Variants in TTN observed in about 807,000 individuals in gnomAD.
The protein encoded by TTN is titin, also known as connectin.
Under a neutral mutation model 3,223.0 loss-of-function variants are expected in TTN, and 1,525 were observed. That is an observed-to-expected ratio of 0.47 (90% CI 0.45 to 0.49). The LOEUF is 0.49. Among genes scored for constraint, TTN ranks in the 20% least tolerant of loss-of-function variants. The pLI is 0.00. For synonymous variants in TTN, 14,094 were observed against 15,161.0 expected, an observed-to-expected ratio of 0.93 and a Z score of 5.17; for missense variants, 40,786 against 43,424.0, an observed-to-expected ratio of 0.94 and a Z score of 5.40.
rs2092339081 is a variant in TTN at position 178,777,336 on chromosome 2, G to T, written c.4646-19C>A. On this transcript the variant is annotated intron_variant, in intron 26 of 362. Coordinates refer to ENST00000589042, the MANE Select transcript of TTN (RefSeq NM_001267550.2). Reference sequence around the variant, plus strand: ...TCCACAGCTGAAAGAGAAAGGTCATGATTTAGAGGGAGTAAGGCTGAAATA... The same window carrying T: ...TCCACAGCTGAAAGAGAAAGGTCATTATTTAGAGGGAGTAAGGCTGAAATA... 6.2e-7 allele frequency: 1 copy of T among 1,613,554 alleles called. No homozygotes were observed. Among genetic ancestry groups the T allele is most frequent in the Non-Finnish European group, 8.5e-7 (1 of 1,179,902 alleles).
rs1484448659 is a variant in TTN, at chr2:178,558,607, A to T, written c.86852T>A (p.Val28951Glu). The T allele has an allele frequency of 6.2e-7, 1 of 1,612,074 alleles. No homozygotes were observed. Among genetic ancestry groups the T allele is most frequent in the African/African-American group, 1.3e-5 (1 of 74,890 alleles). Residue 28951 changes from valine (V) to glutamate (E), a missense_variant, in exon 327 of 363, where the codon GTA becomes GAA. Physicochemically the swap from Val to Glu is moderately radical, Grantham distance 121. Transcript: ENST00000589042. ...AACACTGTCTTTGGATATACTTGTTACTCCAAGTTTTTCAGGTGGGCTTGG... is the reference window on the plus strand; with the variant it reads ...AACACTGTCTTTGGATATACTTGTTTCTCCAAGTTTTTCAGGTGGGCTTGG... ...EKPSPPEKLG[V>E]TSISKDSVSL...
chr2:178,739,040 T>TAAATTA, intron 48 of TTN, 101 bp downstream of exon 48: 2 of 1,341,862 alleles, frequency 1.5e-6, no homozygotes, highest in Non-Finnish European at 2.0e-6. Context: ...ATAAATTACA[T>TAAATTA]TCTGGAAGTG....
At position 178,681,091 on chromosome 2, in the gene TTN, G is replaced by A. The variant is rs565328082; in HGVS notation, c.33328C>T (p.Pro11110Ser). 126 of 1,601,394 alleles carry A rather than the reference G, an allele frequency of 7.9e-5. No individual in the cohort carries two copies. The highest frequency in any genetic ancestry group is 1.0e-4 in the Non-Finnish European group (119 of 1,176,090). ...GAAATCATTATACCTTTAGCAGCGG[G>A]TTCAGTCACCTGCTCTTTTTCACGT... Reference protein sequence around the residue: ...TKREKEQVTEPAAKVPMKPKR... With the variant: ...TKREKEQVTESAAKVPMKPKR... Residue 11110 changes from proline to serine, a missense_variant, in exon 138 of 363, where the codon CCC (proline) becomes TCC (serine). Physicochemically the swap from Pro to Ser is moderately conservative, Grantham distance 74. Transcript: ENST00000589042.
Position 178,546,365 on chromosome 2 carries a change from G to A in TTN, c.94966C>T (p.Leu31656=). ...AAAGAGACTTTTTCACAGAGATCTA[G>A]CTCCTTGTCTCCTTTGGTCCAGATA... ...KIIWTKGDKE[L]DLCEKVSLQY... is the part of the protein sequence containing the mutation. Residue 31656 remains leucine, a synonymous_variant, in exon 342 of 363, where the codon CTA becomes TTA. Coordinates refer to ENST00000589042, the MANE Select transcript of TTN (RefSeq NM_001267550.2). 1 of 1,613,738 alleles carries A rather than the reference G, an allele frequency of 6.2e-7. No individual in the cohort carries two copies. Among genetic ancestry groups the A allele is most frequent in the African/African-American group, 1.3e-5 (1 of 75,014 alleles).
intron 313 of TTN, 56 bp from the exon 314 acceptor site, chr2:178,582,648 G>C: frequency 6.8e-7 from 1 of 1,468,708 alleles, no homozygotes; most frequent in Non-Finnish European, 9.1e-7. Context: ...GTATAGAGTA[G>C]AGGTCTGGAG....
Position 178,684,692 on chromosome 2 carries a change from T to G in TTN, c.32612A>C (p.Lys10871Thr). 1 of 1,612,286 alleles carries G rather than the reference T, an allele frequency of 6.2e-7. No individual in the cohort carries two copies. Among genetic ancestry groups the G allele is most frequent in the Non-Finnish European group, 8.5e-7 (1 of 1,179,446 alleles). Residue 10871 changes from lysine (K) to threonine (T), a missense_variant, in exon 131 of 363, where the codon AAG becomes ACG. Transcript: ENST00000589042. ...PEKKVPPKVI[K>T]MEEPLPAKVT... Reference sequence around the variant, plus strand: ...TTTGGCTGGGAGAGGTTCTTCCATCTTAATGACTTTTGGAGGAACCTTTTT... The same window carrying G: ...TTTGGCTGGGAGAGGTTCTTCCATCGTAATGACTTTTGGAGGAACCTTTTT...
At chr2:178,745,965 T>C (rs367906206) in intron 47 of TTN, 6 of 1,610,226 alleles carry the variant, frequency 3.7e-6, no homozygotes, top group Non-Finnish European at 5.1e-6. Flanking sequence ...TTCTTTGCTA[T>C]CACAGCAAAT....
At chr2:178,766,911 T>A (rs1231736925) in intron 40 of TTN, among the ~76,000 whole-genome samples, 1 of 152,218 alleles carries the variant, frequency 6.6e-6, no homozygotes. Flanking sequence ...TAATAAGGGA[T>A]ATAATGATGC....
At position 178,605,621 on chromosome 2, in the gene TTN, T is replaced by G; in HGVS notation, c.53674A>C (p.Ser17892Arg). ...TCAATGATATATCCTTGGATGGGAC[T>G]GCCACCATTACTGCGGGGCTCTTTC... The part of the protein sequence containing the change: ...DWKEPRSNGG[S>R]PIQGYIIEKR... The change falls in exon 279 of 363, where the codon AGT becomes CGT. Residue 17892 changes from serine (S) to arginine (R), a missense_variant. Physicochemically the swap from Ser to Arg is moderately radical, Grantham distance 110. Transcript: ENST00000589042. 1.9e-6 allele frequency: 3 copies of G among 1,612,028 alleles called. No homozygotes were observed. The highest frequency in any genetic ancestry group is 1.1e-5 in the South Asian group (1 of 90,916).
At chr2:178,691,568 G>A (rs929979057) in intron 121 of TTN, among the ~76,000 whole-genome samples, 4 of 152,158 alleles carry the variant, frequency 2.6e-5, no homozygotes, top group African/African-American at 9.7e-5. Flanking sequence ...TACTATGTAC[G>A]TCTTTATGTA....
chr2:178,609,691 AT>A lies in TTN; in HGVS notation c.51731del (p.Asp17244ValfsTer10). On this transcript the variant is annotated frameshift_variant, in exon 272 of 363. Transcript: ENST00000589042. LOFTEE classifies it high-confidence loss of function. ...SRATPPTKAV[D>X]PIDAPKVILR... ...CCATGAAACAAAACTTACCAATGGG[AT>A]CTACAGCTTTGGTTGGAGGAGTAGC... 2 of 1,588,738 alleles carry A rather than the reference AT, an allele frequency of 1.3e-6. No homozygotes were observed. The highest frequency in any genetic ancestry group is 1.7e-6 in the Non-Finnish European group (2 of 1,166,218).
At chr2:178,750,619 G>A (rs778168887) in intron 47 of TTN, 3 of 1,612,602 alleles carry the variant, frequency 1.9e-6, no homozygotes, top group Non-Finnish European at 2.5e-6. Flanking sequence ...AAAATCTCAT[G>A]TTTTCTTCCT....
chr2:178,528,918 T>C lies in TTN; in HGVS notation c.106833A>G (p.Ala35611=). The change falls in exon 360 of 363, where the codon GCA becomes GCG. Residue 35611 remains alanine, a synonymous_variant. Coordinates refer to ENST00000589042, the MANE Select transcript of TTN (RefSeq NM_001267550.2). ...EEVRTHAEIK[A]FSTQMSINEG... Reference sequence around the variant, plus strand: ...CGTTTATGCTCATCTGAGTAGAAAATGCTTTAATCTCAGCATGAGTTCTGA... The same window carrying C: ...CGTTTATGCTCATCTGAGTAGAAAACGCTTTAATCTCAGCATGAGTTCTGA... The C allele has an allele frequency of 6.2e-7, 1 of 1,614,038 alleles. No homozygotes were observed. The highest frequency in any genetic ancestry group is 8.5e-7 in the Non-Finnish European group (1 of 1,179,882).
chr2:178,641,466 GT>G, intron 219 of TTN, 151 bp from the exon 220 acceptor site: 1 of 468,178 alleles, frequency 2.1e-6, no homozygotes, highest in Non-Finnish European at 3.7e-6. Context: ...CACCGAAAGT[GT>G]TTTTTGTTTT....
rs16866477 is a variant in TTN at position 178,731,454 on chromosome 2, G to C, written c.17312C>G (p.Thr5771Ser). 1.1e-3 allele frequency: 1,816 copies of C among 1,613,740 alleles called. 18 individuals are homozygous for C. In the African/African-American group the frequency reaches 0.022, roughly 19 times the overall value. ...GGTCATTCTTATATTATCGTCTTCA[G>C]TGATTTCATCGCTGTCTTTTAGCCA... ...VTWLKDSDEI[T>S]EDDNIRMTFE... The change falls in exon 59 of 363, where the codon ACT becomes AGT. Residue 5771 changes from threonine to serine, a missense_variant. Physicochemically the swap from Thr to Ser is moderately conservative, Grantham distance 58. Coordinates refer to ENST00000589042, the MANE Select transcript of TTN (RefSeq NM_001267550.2).
rs2081291561 is a variant in TTN at position 178,735,527 on chromosome 2, G to C, written c.14919C>G (p.Ala4973=). 6.3e-7 allele frequency: 1 copy of C among 1,588,464 alleles called. No individual in the cohort carries two copies. The highest frequency in any genetic ancestry group is 1.4e-5 in the African/African-American group (1 of 73,510). The change falls in exon 50 of 363, where the codon GCC becomes GCG. Residue 4973 remains alanine (A), a synonymous_variant. Transcript: ENST00000589042. ...SNEAGSSSCS[A]TVTVREPPSF... Reference sequence around the variant, plus strand: ...GTTTCTTACCTCTGACAGTGACTGTGGCTGAGCAGGAGCTGCTTCCAGCCT... The same window carrying C: ...GTTTCTTACCTCTGACAGTGACTGTCGCTGAGCAGGAGCTGCTTCCAGCCT...
Position 178,594,048 on chromosome 2 carries a change from C to G in TTN, c.58345G>C (p.Ala19449Pro). The G allele has an allele frequency of 6.2e-7, 1 of 1,613,514 alleles. No homozygotes were observed. Among genetic ancestry groups the G allele is most frequent in the Non-Finnish European group, 8.5e-7 (1 of 1,179,648 alleles). The part of the protein sequence containing the change: ...PATLALEKIK[A>P]KRSDSGKYCV... ...TATTTGCCGGAATCTGAACGTTTGG[C>G]CTTGATCTTCTCTAAAGCAAGTGTT... Residue 19449 changes from alanine (A) to proline (P), a missense_variant, in exon 297 of 363, where the codon GCC becomes CCC. By Grantham distance (27) the Ala-to-Pro change is conservative. Coordinates refer to ENST00000589042, the MANE Select transcript of TTN (RefSeq NM_001267550.2).
In TTN at chr2:178,550,017, A is replaced by C. The variant is rs2154148788; in HGVS notation, c.91821T>G (p.Ser30607=). 6.2e-7 allele frequency: 1 copy of C among 1,609,558 alleles called. No individual in the cohort carries two copies. The highest frequency in any genetic ancestry group is 8.5e-7 in the Non-Finnish European group (1 of 1,176,674). The change falls in exon 337 of 363, where the codon TCT becomes TCG. Residue 30607 remains serine (S), a synonymous_variant. Coordinates refer to ENST00000589042, the MANE Select transcript of TTN (RefSeq NM_001267550.2). ...CTTTCACTTTAATTTCTGCTTTTGC[A>C]GAACCAGATGCATTTTTGGCTTCCA... ...YTVEAKNASG[S]AKAEIKVKVQ...
intron 355 of TTN, 45 bp downstream of exon 355, chr2:178,537,293 ATTTT>A (rs550332161): frequency 4.6e-6 from 7 of 1,524,824 alleles, no homozygotes; most frequent in Non-Finnish European, 6.1e-6. Flanking sequence ...TGTTTTTGAG[ATTTT>A]TTTTTCTTTA....
Sources: gnomAD v4.1 joint callset for allele counts (sites outside exome capture counted in the v4.1 genomes callset) on GRCh38, gnomAD v4.1.1 for gene constraint, MANE v1.5 for transcripts, NCBI Gene and HGNC (gene_info 2026-07-23, HGNC 2026-07-21) for gene names.